ACSL5: variants seen among roughly 807,000 people sequenced by gnomAD.
ACSL5 encodes the protein long-chain-fatty-acid--CoA ligase 5.
In ACSL5, 50 loss-of-function variants were observed where a neutral mutation model predicts 84.9. That is an observed-to-expected ratio of 0.59 (90% CI 0.47 to 0.75). The LOEUF is 0.75. Ranked by LOEUF, ACSL5 falls within the 30% of genes least tolerant of loss-of-function variation. ACSL5 has a pLI of 0.00. For synonymous variants in ACSL5, 280 were observed against 300.7 expected (o/e 0.93, Z 0.71); for missense variants, 775 against 830.4 (o/e 0.93, Z 0.82).
intron 1 of ACSL5, among the ~76,000 whole-genome samples, chr10:112,381,529 A>C (rs1177545486): frequency 6.6e-6 from 1 of 151,902 alleles, no homozygotes; most frequent in Non-Finnish European, 1.5e-5. Context: ...GCCGGATGTG[A>C]TGATGCATGC....
chr10:112,417,655 A>G (rs1379104220), intron 13 of ACSL5, among the ~76,000 whole-genome samples, 191 bp from the exon 14 acceptor site: 1 of 152,228 alleles, frequency 6.6e-6, no homozygotes, highest in Non-Finnish European at 1.5e-5. Flanking sequence ...AGTGATGACA[A>G]TAATAGCTAA....
chr10:112,425,562 G>T, intron 18 of ACSL5, 81 bp downstream of exon 18: 1 of 1,167,798 alleles, frequency 8.6e-7, no homozygotes, highest in Middle Eastern at 2.1e-4. Context: ...TGTATAGTTG[G>T]GTTCAGAATG....
At chr10:112,387,936 CTT>C (rs35032191) in intron 1 of ACSL5, among the ~76,000 whole-genome samples, 23 of 118,422 alleles carry the variant, frequency 1.9e-4, no homozygotes, top group African/African-American at 3.5e-4. Context: ...TTATTTGTTC[CTT>C]TTTTTTTTTT....
chr10:112,426,573 G>A, intron 19 of ACSL5: 1 of 617,734 alleles, frequency 1.6e-6, no homozygotes, highest in Non-Finnish European at 2.8e-6. Flanking sequence ...TGGGAAAGAA[G>A]AGTAAAAATG....
chr10:112,405,279 A>G (rs1271967014), intron 5 of ACSL5, among the ~76,000 whole-genome samples: 2 of 152,242 alleles, frequency 1.3e-5, no homozygotes, highest in East Asian at 3.9e-4. Context: ...AATCAAGCTT[A>G]TCTCCAAGTT....
At chr10:112,420,580 A>G (rs1323174465) in intron 14 of ACSL5, among the ~76,000 whole-genome samples, 1 of 152,166 alleles carries the variant, frequency 6.6e-6, no homozygotes, top group Non-Finnish European at 1.5e-5. Context: ...CTTAAAAAAT[A>G]CTACTCCCCT....
intron 1 of ACSL5, among the ~76,000 whole-genome samples, chr10:112,389,721 C>A (rs10749118): frequency 0.5 from 75,772 of 151,858 alleles, 18,961 homozygotes; most frequent in South Asian, 0.58. Context: ...CCCCTTGTTT[C>A]TTTGAACTTA....
At chr10:112,401,001 C>A (rs1191976049) in intron 3 of ACSL5, among the ~76,000 whole-genome samples, 1 of 151,942 alleles carries the variant, frequency 6.6e-6, no homozygotes, top group Non-Finnish European at 1.5e-5. Context: ...TAAACCAATA[C>A]CGTTGAAATA....
intron 20 of ACSL5, 67 bp from the exon 21 acceptor site, chr10:112,427,151 C>G: frequency 1.3e-6 from 2 of 1,519,738 alleles, no homozygotes; most frequent in Non-Finnish European, 8.9e-7. Flanking sequence ...TCACAGAGCA[C>G]TCAGGGGGCT....
At chr10:112,424,496 C>T (rs889392685) in intron 17 of ACSL5, 1 of 152,162 alleles carries the variant, frequency 6.6e-6, no homozygotes, top group South Asian at 2.1e-4. Flanking sequence ...TGTCTAGTAA[C>T]AGAATTAAAT....
At chr10:112,415,201 GTTTTGT>G (rs1159832835) in intron 12 of ACSL5, among the ~76,000 whole-genome samples, 1 of 150,514 alleles carries the variant, frequency 6.6e-6, no homozygotes. Context: ...TTTTTTTTTT[GTTTTGT>G]TTTTGTTTTT....
At chr10:112,421,136 A>G (rs1240922030) in intron 14 of ACSL5, among the ~76,000 whole-genome samples, 1 of 151,650 alleles carries the variant, frequency 6.6e-6, no homozygotes, top group Non-Finnish European at 1.5e-5. Flanking sequence ...GTATGAGTTC[A>G]AGGTTTTTTG....
At chr10:112,421,686 G>C (rs1844468751) in intron 15 of ACSL5, 21 bp downstream of exon 15, 1 of 1,604,452 alleles carries the variant, frequency 6.2e-7, no homozygotes, top group African/African-American at 1.3e-5. Context: ...CATCTGCTGG[G>C]CAGGAGGTGC....
intron 1 of ACSL5, among the ~76,000 whole-genome samples, chr10:112,391,024 C>T (rs7904386): frequency 0.17 from 25,650 of 151,960 alleles, 2,451 homozygotes; most frequent in African/African-American, 0.24. Flanking sequence ...AAATACTGCC[C>T]GATTGTACAT....
intron 2 of ACSL5, among the ~76,000 whole-genome samples, chr10:112,395,499 G>T (rs1843728345): frequency 6.6e-6 from 1 of 152,168 alleles, no homozygotes; most frequent in Non-Finnish European, 1.5e-5. Context: ...GACAACCCAT[G>T]ATCTAAATAA....
At chr10:112,378,252 T>A (rs929734881) in intron 1 of ACSL5, among the ~76,000 whole-genome samples, 11 of 134,806 alleles carry the variant, frequency 8.2e-5, no homozygotes, top group Admixed American at 2.3e-4. Flanking sequence ...TTTTTTTTTT[T>A]TTTTTTGGAG....
chr10:112,376,268 C>T, intron 1 of ACSL5: 1 of 1,613,328 alleles, frequency 6.2e-7, no homozygotes, highest in Non-Finnish European at 8.5e-7. Flanking sequence ...CAGCTCAGAG[C>T]AGGGCAGAAC....
intron 1 of ACSL5, among the ~76,000 whole-genome samples, chr10:112,383,784 G>A (rs537310456): frequency 1.5e-4 from 22 of 148,942 alleles, no homozygotes; most frequent in African/African-American, 5.5e-4. Flanking sequence ...TGTTGGAGGT[G>A]GGATTATATG....
At chr10:112,381,294 A>G (rs1463374761) in intron 1 of ACSL5, among the ~76,000 whole-genome samples, 1 of 152,182 alleles carries the variant, frequency 6.6e-6, no homozygotes, top group Non-Finnish European at 1.5e-5. Context: ...GGCAGGAACT[A>G]TATCGGCCAA....
Sources: allele counts gnomAD v4.1 joint callset (sites outside exome capture counted in the v4.1 genomes callset), GRCh38; gene constraint gnomAD v4.1.1; transcripts MANE v1.5; gene names NCBI Gene and HGNC (gene_info 2026-07-23, HGNC 2026-07-21).